Variants in RBM33 observed in about 807,000 individuals in gnomAD.
RBM33 encodes RNA binding motif protein 33, also known as RNA-binding protein 33.
A neutral mutation model predicts 132.6 loss-of-function variants in RBM33; 28 were observed. The observed-to-expected ratio is 0.21, with a 90% CI of 0.16 to 0.29. The LOEUF is 0.29. Among genes scored for constraint, RBM33 ranks in the 10% least tolerant of loss-of-function variants. The pLI is 1.00. For synonymous variants in RBM33, 634 were observed against 593.0 expected (o/e 1.07, Z -1.01); for missense variants, 1,291 against 1,518.5 (o/e 0.85, Z 2.49).
At chr7:155,717,587 C>T (rs1260991020) in intron 8 of RBM33, among the ~76,000 whole-genome samples, 1 of 152,054 alleles carries the variant, frequency 6.6e-6, no homozygotes, top group Non-Finnish European at 1.5e-5. Flanking sequence ...ACCTGACAAT[C>T]TGAGAGCTTC....
intron 7 of RBM33, among the ~76,000 whole-genome samples, chr7:155,708,122 ATAT>A (rs1800169677): frequency 6.6e-6 from 1 of 152,282 alleles, no homozygotes; most frequent in African/African-American, 2.4e-5. Context: ...TTCTGTTGAA[ATAT>A]TATATTTCAG....
chr7:155,748,119 G>A (rs1009236960), intron 14 of RBM33, among the ~76,000 whole-genome samples: 1 of 152,208 alleles, frequency 6.6e-6, no homozygotes, highest in African/African-American at 2.4e-5. Context: ...ATCTGGGGAG[G>A]ATTGACTTGT....
At chr7:155,748,765 T>G (rs1004716284) in intron 14 of RBM33, among the ~76,000 whole-genome samples, 1 of 152,130 alleles carries the variant, frequency 6.6e-6, no homozygotes, top group Non-Finnish European at 1.5e-5. Flanking sequence ...CCTTTCTTGG[T>G]GGTCCCCTTT....
At chr7:155,763,108 A>G (rs897623725) in intron 14 of RBM33, among the ~76,000 whole-genome samples, 6 of 152,222 alleles carry the variant, frequency 3.9e-5, no homozygotes, top group African/African-American at 1.4e-4. Flanking sequence ...AACACAAAAG[A>G]TAAGATTCCT....
intron 5 of RBM33, among the ~76,000 whole-genome samples, chr7:155,692,464 A>G (rs1799672480): frequency 6.6e-6 from 1 of 152,148 alleles, no homozygotes; most frequent in East Asian, 1.9e-4. Flanking sequence ...GGAGTCAAGG[A>G]CAGGTTTGCT....
chr7:155,758,977 C>T (rs1486556811), intron 14 of RBM33, among the ~76,000 whole-genome samples: 1 of 152,182 alleles, frequency 6.6e-6, no homozygotes, highest in South Asian at 2.1e-4. Context: ...CCAGGAAGGC[C>T]CACCCGGCCC....
rs1438316558 is a variant in RBM33 at position 155,774,786 on chromosome 7, C to T, written c.3464+139C>T. 5.4e-5 allele frequency: 45 copies of T among 831,692 alleles called. No individual in the cohort carries two copies. The highest frequency in any genetic ancestry group is 7.1e-5 in the Non-Finnish European group (35 of 495,760). 51.5% of individuals were successfully genotyped at this position (831,692 alleles called of 1,614,324 possible). On this transcript the variant is annotated intron_variant, in intron 17 of 17. Transcript: ENST00000401878. This position sits in a 1 kb window ranked among gnomAD's most constrained non-coding sequence, Gnocchi z 4.2. ...AGGACACTAGGGCACAAAGCGCAGA[C>T]GGTGATCCTGTCATGAGGCGCGCGT...
intron 7 of RBM33, among the ~76,000 whole-genome samples, chr7:155,709,253 C>A (rs1049095262): frequency 1.3e-5 from 2 of 152,060 alleles, no homozygotes; most frequent in Admixed American, 6.6e-5. Flanking sequence ...TGCACTGTTA[C>A]AGTATGTATA....
At chr7:155,750,848 A>G (rs1162989684) in intron 14 of RBM33, among the ~76,000 whole-genome samples, 1 of 152,182 alleles carries the variant, frequency 6.6e-6, no homozygotes, top group Non-Finnish European at 1.5e-5. Context: ...TTGGCAGCAA[A>G]TTAAGTAAAC....
chr7:155,728,342 C>G (rs1182475621), intron 9 of RBM33, among the ~76,000 whole-genome samples: 1 of 152,122 alleles, frequency 6.6e-6, no homozygotes, highest in East Asian at 1.9e-4. Context: ...CACTCGATGA[C>G]ATAATGTTAC....
chr7:155,689,207 G>T (rs941451796), intron 5 of RBM33, among the ~76,000 whole-genome samples: 38 of 151,308 alleles, frequency 2.5e-4, no homozygotes, highest in African/African-American at 8.7e-4. Flanking sequence ...TTGGGAGTGT[G>T]TATGTGTCCA....
intron 14 of RBM33, among the ~76,000 whole-genome samples, chr7:155,754,896 A>G (rs1213749053): frequency 6.6e-6 from 1 of 152,088 alleles, no homozygotes; most frequent in Non-Finnish European, 1.5e-5. Flanking sequence ...AGTTCCAGAT[A>G]GGCAGTATTT....
chr7:155,744,669 A>G (rs1428398482), intron 13 of RBM33, among the ~76,000 whole-genome samples: 1 of 152,234 alleles, frequency 6.6e-6, no homozygotes, highest in African/African-American at 2.4e-5. Flanking sequence ...ACATATTTTG[A>G]TATCTTAAAT....
intron 15 of RBM33, among the ~76,000 whole-genome samples, chr7:155,764,291 A>G (rs962545573): frequency 6.6e-6 from 1 of 152,150 alleles, no homozygotes. Context: ...TCGACCCAGC[A>G]GCATCTGCTG....
At position 155,739,803 on chromosome 7, in the gene RBM33, A is replaced by T. The variant is rs1169848194; in HGVS notation, c.1826A>T (p.His609Leu). 1 of 1,364,460 alleles carries T rather than the reference A, an allele frequency of 7.3e-7. No individual in the cohort carries two copies. The highest frequency in any genetic ancestry group is 1.3e-5 in the South Asian group (1 of 77,646). 84.5% of individuals were successfully genotyped at this position (1,364,460 alleles called of 1,614,324 possible). Residue 609 changes from histidine (H) to leucine (L), a missense_variant, in exon 12 of 18, where the codon CAC becomes CTC. Transcript: ENST00000401878. Reference sequence around the variant, plus strand: ...CCCCCGCCACAGCACCAGCCTCCGCACCAGCCCCCGCACCAGCCCCCGCCC... The same window carrying T: ...CCCCCGCCACAGCACCAGCCTCCGCTCCAGCCCCCGCACCAGCCCCCGCCC... ...QQPPPQHQPP[H>L]QPPHQPPPQH...
At chr7:155,675,293 C>CAAAA (rs71881256) in intron 3 of RBM33, among the ~76,000 whole-genome samples, 11 of 128,870 alleles carry the variant, frequency 8.5e-5, no homozygotes, top group African/African-American at 2.2e-4. Context: ...GACTCCGTCT[C>CAAAA]AAAAAAAAAA....
intron 5 of RBM33, among the ~76,000 whole-genome samples, chr7:155,690,952 T>A (rs1799622094): frequency 6.6e-6 from 1 of 152,154 alleles, no homozygotes. Flanking sequence ...TGTCTTGGAG[T>A]GGCTCTTCTC....
chr7:155,752,311 C>G (rs1274455530), intron 14 of RBM33, among the ~76,000 whole-genome samples: 1 of 152,162 alleles, frequency 6.6e-6, no homozygotes, highest in Non-Finnish European at 1.5e-5. Context: ...ATTTTTGATT[C>G]TTCTACAGTG....
Position 155,778,521 on chromosome 7 carries a change from TCATCCAGTCCGGTC to T in RBM33, c.*3481_*3494del, listed in dbSNP as rs1274374529. On this transcript the variant is annotated 3_prime_UTR_variant, in exon 18 of 18. Transcript: ENST00000401878. The surrounding 1 kb of genome is among the most constrained non-coding windows in gnomAD (Gnocchi z 4.0). The stretch of plus-strand genomic sequence containing the variant: ...TAACACACTGGCTTATCAGGGGAGG[TCATCCAGTCCGGTC>T]GGTGGAGTTGAGAGCCCTTGGGCCA... 8 of 151,970 alleles carry T rather than the reference TCATCCAGTCCGGTC, an allele frequency of 5.3e-5. No individual in the cohort carries two copies. Among genetic ancestry groups the T allele is most frequent in the African/African-American group, 1.7e-4 (7 of 41,308 alleles). The allele number at this position is 151,970 out of a possible 1,614,324, so 9.4% of individuals were successfully genotyped here.
Sources: gnomAD v4.1 joint callset for allele counts (sites outside exome capture counted in the v4.1 genomes callset) on GRCh38, gnomAD v4.1.1 for gene constraint, Gnocchi (gnomAD v3.1) non-coding constraint, MANE v1.5 for transcripts, NCBI Gene and HGNC (gene_info 2026-07-23, HGNC 2026-07-21) for gene names.